The following COMMD5 variants were observed in gnomAD, a reference collection of about 807,000 sequenced individuals.
The protein encoded by COMMD5 is COMM domain-containing protein 5.
COMMD5 carries 10 observed loss-of-function variants against 6.9 expected under a neutral mutation model. That is an observed-to-expected ratio of 1.44 (90% CI 0.89 to 2.45). The LOEUF is 2.45. COMMD5 is among the 30% of genes most tolerant of loss of function. COMMD5 has a pLI of 0.00. For missense variants in COMMD5, 234 were observed against 287.8 expected, an observed-to-expected ratio of 0.81 and a Z score of 1.35; for synonymous variants, 127 against 125.3, an observed-to-expected ratio of 1.01 and a Z score of -0.09.
chr8:144,844,907 G>A (rs953135249), intron 1 of COMMD5, among the ~76,000 whole-genome samples: 1 of 151,022 alleles, frequency 6.6e-6, no homozygotes, highest in Admixed American at 6.6e-5. Flanking sequence ...TGGGGAAAGA[G>A]GACTCTGGGG....
chr8:144,842,937 C>T (rs9004), intron 1 of COMMD5: 508,986 of 1,613,754 alleles, frequency 0.32, 82,463 homozygotes, highest in South Asian at 0.44. Context: ...AGTGGTTTTA[C>T]GAATATGGGA....
At chr8:144,842,843 A>C in intron 1 of COMMD5, 4 of 1,614,176 alleles carry the variant, frequency 2.5e-6, no homozygotes, top group Non-Finnish European at 3.4e-6. Context: ...GCAGGGGTGA[A>C]GCCCTATGAG....
chr8:144,844,531 A>T (rs1830383568), intron 1 of COMMD5, among the ~76,000 whole-genome samples: 2 of 151,998 alleles, frequency 1.3e-5, no homozygotes, highest in Non-Finnish European at 2.9e-5. Flanking sequence ...TAACACAGTG[A>T]AACCCCGTGT....
intron 1 of COMMD5, among the ~76,000 whole-genome samples, chr8:144,844,246 C>A (rs571726414): frequency 1.3e-5 from 2 of 152,150 alleles, no homozygotes; most frequent in African/African-American, 4.8e-5. Flanking sequence ...TGTCAGAGAA[C>A]GAGCACTCAA....
At chr8:144,851,447 A>T in intron 1 of COMMD5, 52 bp from the exon 2 acceptor site, 2 of 1,253,580 alleles carry the variant, frequency 1.6e-6, no homozygotes, top group Non-Finnish European at 2.2e-6. Flanking sequence ...CCTTTGGGCC[A>T]GCGAGTGAGG....
chr8:144,842,621 C>G (rs752370306), intron 1 of COMMD5: 3 of 1,614,186 alleles, frequency 1.9e-6, no homozygotes, highest in Non-Finnish European at 1.7e-6. Context: ...TGTGGAAAAG[C>G]CTTCAGTCAG....
Position 144,850,788 on chromosome 8 carries a change from T to C in COMMD5, c.551A>G (p.Asp184Gly), listed in dbSNP as rs1167313357. The C allele has an allele frequency of 6.2e-7, 1 of 1,613,958 alleles. No individual in the cohort carries two copies. The highest frequency in any genetic ancestry group is 1.3e-5 in the African/African-American group (1 of 74,926). Residue 184 changes from aspartate (D) to glycine (G), a missense_variant, in exon 2 of 2, where the codon GAT (aspartate) becomes GGT (glycine). Coordinates refer to ENST00000305103, the MANE Select transcript of COMMD5 (RefSeq NM_014066.4). The surrounding 1 kb of genome is among the most constrained non-coding windows in gnomAD (Gnocchi z 4.0). ...PSVLMQLKLSDGSAYRFEVPT... is the reference protein window; with the variant it reads ...PSVLMQLKLSGGSAYRFEVPT... ...GACCTCAAAGCGGTATGCTGACCCA[T>C]CTGAAAGCTTCAGCTGCATCAGGAC...
rs1045030112 is a variant in COMMD5, at chr8:144,852,961, C to A, written c.-180G>T. On this transcript the variant is annotated 5_prime_UTR_variant, in exon 1 of 2. Coordinates refer to ENST00000305103, the MANE Select transcript of COMMD5 (RefSeq NM_014066.4). The stretch of plus-strand genomic sequence containing the variant: ...AGGGAGACTCCATCCTACTCCACCC[C>A]ACGCTCCCGCTGTCCGAGTCGCCCC... 6.6e-6 allele frequency: 1 copy of A among 152,532 alleles called. No homozygotes were observed. Among genetic ancestry groups the A allele is most frequent in the Non-Finnish European group, 1.5e-5 (1 of 68,216 alleles). 9.4% of individuals were successfully genotyped at this position (152,532 alleles called of 1,614,324 possible).
Position 144,851,061 on chromosome 8 carries a change from AG to A in COMMD5, c.277del (p.Leu93SerfsTer12). On this transcript the variant is annotated frameshift_variant, in exon 2 of 2. Transcript: ENST00000305103. LOFTEE classifies it high-confidence loss of function. ...GALLAGMHTL[L>X]QQALRLPPTS... ...GGGGGGCAGACGGAGGGCCTGCTGG[AG>A]CAGTGTGTGCATGCCTGCCAGCAGG... 6.2e-7 allele frequency: 1 copy of A among 1,612,474 alleles called. No individual in the cohort carries two copies. Among genetic ancestry groups the A allele is most frequent in the Non-Finnish European group, 8.5e-7 (1 of 1,179,822 alleles).
chr8:144,848,756 C>T (rs1009697383), downstream of COMMD5, among the ~76,000 whole-genome samples: 3 of 152,176 alleles, frequency 2.0e-5, no homozygotes, highest in Non-Finnish European at 4.4e-5. Flanking sequence ...CACTGCTCCC[C>T]CTTGCCCCAG....
chr8:144,851,468 T>C, intron 1 of COMMD5, 73 bp from the exon 2 acceptor site: 1 of 976,740 alleles, frequency 1.0e-6, no homozygotes, highest in South Asian at 1.6e-5. Context: ...GTTGATATGG[T>C]CCCCATCATC....
chr8:144,844,709 CAAAAAA>C (rs71320849), intron 1 of COMMD5, among the ~76,000 whole-genome samples: 4 of 88,646 alleles, frequency 4.5e-5, no homozygotes, highest in Admixed American at 1.3e-4. Context: ...GACTCTGTAT[CAAAAAA>C]AAAAAAAAAA....
At chr8:144,842,725 C>G (rs775311498) in intron 1 of COMMD5, 1 of 1,614,162 alleles carries the variant, frequency 6.2e-7, no homozygotes. Context: ...GAGCACACAG[C>G]TTACAATACA....
chr8:144,843,682 C>T (rs530053155), intron 1 of COMMD5: 4 of 152,198 alleles, frequency 2.6e-5, no homozygotes, highest in Non-Finnish European at 5.9e-5. Context: ...AAGCCTGTGT[C>T]CCTCAAAATC....
downstream of COMMD5, chr8:144,846,352 T>C: frequency 1.6e-6 from 1 of 634,806 alleles, no homozygotes; most frequent in East Asian, 2.8e-5. Flanking sequence ...CATTTCTGAA[T>C]GGTTGGGGAG....
chr8:144,839,542 G>C (rs1280768696), downstream of COMMD5, among the ~76,000 whole-genome samples: 1 of 152,262 alleles, frequency 6.6e-6, no homozygotes, highest in African/African-American at 2.4e-5. Flanking sequence ...AAATAGTTCA[G>C]TGGGTTTATA....
chr8:144,850,845 G>T lies in COMMD5; in HGVS notation c.494C>A (p.Thr165Asn). Residue 165 changes from threonine (T) to asparagine (N), a missense_variant, in exon 2 of 2, where the codon ACC becomes AAC. Thr to Asn is a moderately conservative substitution (Grantham distance 65). Transcript: ENST00000305103. This position sits in a 1 kb window ranked among gnomAD's most constrained non-coding sequence, Gnocchi z 4.0. The part of the protein sequence containing the change: ...FRWRVDVAIS[T>N]SALARSLQPS... Reference sequence around the variant, plus strand: ...CTGCAGGGAGCGAGCCAGGGCACTGGTGGAGATTGCTACATCCACCCGCCA... The same window carrying T: ...CTGCAGGGAGCGAGCCAGGGCACTGTTGGAGATTGCTACATCCACCCGCCA... 2.5e-6 allele frequency: 4 copies of T among 1,613,738 alleles called. No homozygotes were observed. The highest frequency in any genetic ancestry group is 3.4e-6 in the Non-Finnish European group (4 of 1,179,986).
chr8:144,841,815 G>T (rs751813477), intron 1 of COMMD5: 2 of 1,614,194 alleles, frequency 1.2e-6, no homozygotes, highest in Non-Finnish European at 1.7e-6. Context: ...CTGACTGCTT[G>T]CAGGGGAAAC....
At chr8:144,841,890 C>G in intron 1 of COMMD5, 1 of 1,613,916 alleles carries the variant, frequency 6.2e-7, no homozygotes, top group South Asian at 1.1e-5. Context: ...TCTTCAGGCT[C>G]TGCTCGCAGC....
Sources: gnomAD v4.1 joint callset for allele counts (sites outside exome capture counted in the v4.1 genomes callset) on GRCh38, gnomAD v4.1.1 for gene constraint, Gnocchi (gnomAD v3.1) non-coding constraint, MANE v1.5 for transcripts, NCBI Gene and HGNC (gene_info 2026-07-23, HGNC 2026-07-21) for gene names.